Variants in ARHGAP15 observed in about 807,000 individuals in gnomAD.
ARHGAP15 encodes rho GTPase-activating protein 15.
In ARHGAP15, 51 loss-of-function variants were observed where a neutral mutation model predicts 63.7. The ratio of observed to expected loss-of-function variants is 0.80; its 90% confidence interval spans 0.64 to 1.01. The LOEUF (loss-of-function observed/expected upper bound fraction) is 1.01. Among genes scored for constraint, ARHGAP15 ranks in the 50% least tolerant of loss-of-function variants. The probability of loss-of-function intolerance (pLI) is 0.00; values close to 1 mark genes in which losing one functional copy is unlikely to be tolerated. For synonymous variants in ARHGAP15, 191 were observed against 193.8 expected (o/e 0.99, Z 0.12); for missense variants, 560 against 564.6 (o/e 0.99, Z 0.08).
rs192486072 is a variant in ARHGAP15 at position 143,207,847 on chromosome 2, A to T, written c.234+5645A>T. Reference sequence around the variant, plus strand: ...TCATTATCGTTCACATTGACACTTGAATTATTTTTCAGAACCTATGAAGTT... The same window carrying T: ...TCATTATCGTTCACATTGACACTTGTATTATTTTTCAGAACCTATGAAGTT... On this transcript the variant is annotated intron_variant, in intron 3 of 13. Transcript: ENST00000295095. Among the ~76,000 whole-genome samples, 120 of 152,230 alleles carry T rather than the reference A, an allele frequency of 7.9e-4. 1 individual carries two copies. The highest frequency in any genetic ancestry group is 2.8e-3 in the African/African-American group (117 of 41,556).
chr2:143,439,216 AG>A (rs527282204), intron 8 of ARHGAP15, among the ~76,000 whole-genome samples: 8,798 of 151,970 alleles, frequency 0.058, 329 homozygotes, highest in East Asian at 0.14. Flanking sequence ...TGAGGTCAGG[AG>A]TTCAAGACCA....
intron 10 of ARHGAP15, among the ~76,000 whole-genome samples, chr2:143,540,224 A>G (rs1267253982): frequency 6.6e-6 from 1 of 151,544 alleles, no homozygotes; most frequent in Non-Finnish European, 1.5e-5. Flanking sequence ...TTTGTTTTCC[A>G]TTTGCTTGGT....
intron 6 of ARHGAP15, among the ~76,000 whole-genome samples, chr2:143,412,608 T>C (rs994123115): frequency 1.3e-5 from 2 of 152,184 alleles, no homozygotes; most frequent in African/African-American, 2.4e-5. Context: ...AAGAATTTCT[T>C]GGTCTTTAGT....
chr2:143,471,061 A>G (rs1157265419), intron 8 of ARHGAP15, among the ~76,000 whole-genome samples: 5 of 149,708 alleles, frequency 3.3e-5, no homozygotes, highest in Non-Finnish European at 7.4e-5. Flanking sequence ...GTGCATATAT[A>G]CACATATGAT....
intron 8 of ARHGAP15, among the ~76,000 whole-genome samples, chr2:143,463,624 C>T (rs1691065840): frequency 1.3e-5 from 2 of 152,054 alleles, no homozygotes; most frequent in Non-Finnish European, 2.9e-5. Flanking sequence ...TTTATCTAAC[C>T]ATCCATCCAG....
rs1685160546 is a variant in ARHGAP15 at position 143,343,827 on chromosome 2, G to A, written c.475-91774G>A. Among the ~76,000 whole-genome samples, 3 of 151,886 alleles carry A rather than the reference G, an allele frequency of 2.0e-5. No individual in the cohort carries two copies. In the South Asian group the frequency reaches 6.2e-4, roughly 32 times the overall value. Reference sequence around the variant, plus strand: ...TATTCCTACCATTACACTAATCTAGGTTACTCCTATTAATAATCTCTTTTC... The same window carrying A: ...TATTCCTACCATTACACTAATCTAGATTACTCCTATTAATAATCTCTTTTC... On this transcript the variant is annotated intron_variant, in intron 6 of 13. Transcript: ENST00000295095.
intron 8 of ARHGAP15, among the ~76,000 whole-genome samples, chr2:143,455,411 T>G (rs1025408287): frequency 3.9e-5 from 6 of 151,904 alleles, no homozygotes; most frequent in African/African-American, 1.5e-4. Flanking sequence ...CAGCAAGGTC[T>G]TTGTGACCTA....
chr2:143,705,398 C>A (rs1346852008), intron 13 of ARHGAP15, among the ~76,000 whole-genome samples: 1 of 152,118 alleles, frequency 6.6e-6, no homozygotes, highest in African/African-American at 2.4e-5. Flanking sequence ...CAAATCCTTG[C>A]TCTATGCTTT....
At chr2:143,199,456 A>C (rs1692017297) in intron 2 of ARHGAP15, among the ~76,000 whole-genome samples, 1 of 152,104 alleles carries the variant, frequency 6.6e-6, no homozygotes, top group Non-Finnish European at 1.5e-5. Context: ...AAAGAAAACA[A>C]AGTGAGCTTT....
chr2:143,413,090 CTATT>C (rs1688510001), intron 6 of ARHGAP15, among the ~76,000 whole-genome samples: 1 of 152,138 alleles, frequency 6.6e-6, no homozygotes, highest in African/African-American at 2.4e-5. Flanking sequence ...ATCAAATTCT[CTATT>C]TGTTGTCAAT....
At chr2:143,646,170 A>G (rs1225904647) in intron 12 of ARHGAP15, among the ~76,000 whole-genome samples, 2 of 152,032 alleles carry the variant, frequency 1.3e-5, no homozygotes, top group African/African-American at 4.8e-5. Context: ...ACCATAATAA[A>G]TGTATGAAGG....
chr2:143,535,123 C>T (rs951544713), intron 10 of ARHGAP15, among the ~76,000 whole-genome samples: 5 of 151,966 alleles, frequency 3.3e-5, no homozygotes, highest in Non-Finnish European at 7.4e-5. Flanking sequence ...TTTCTAAGTA[C>T]AGTAATATAC....
intron 9 of ARHGAP15, among the ~76,000 whole-genome samples, chr2:143,505,964 G>A (rs1033061183): frequency 1.3e-5 from 2 of 152,128 alleles, no homozygotes; most frequent in African/African-American, 4.8e-5. Flanking sequence ...AAATGAAAGA[G>A]ACTCCATTAT....
At chr2:143,192,396 C>A (rs1425192488) in intron 2 of ARHGAP15, among the ~76,000 whole-genome samples, 1 of 152,248 alleles carries the variant, frequency 6.6e-6, no homozygotes, top group Non-Finnish European at 1.5e-5. Context: ...TAACAACACC[C>A]TGAATTCAAT....
At chr2:143,258,475 T>A (rs1400630125) in intron 6 of ARHGAP15, among the ~76,000 whole-genome samples, 1 of 152,172 alleles carries the variant, frequency 6.6e-6, no homozygotes, top group South Asian at 2.1e-4. Context: ...AGGCCACTTA[T>A]GGCATCTATG....
intron 5 of ARHGAP15, among the ~76,000 whole-genome samples, chr2:143,239,383 A>G (rs1334298305): frequency 6.6e-6 from 1 of 152,122 alleles, no homozygotes; most frequent in African/African-American, 2.4e-5. Flanking sequence ...TGTACAATGG[A>G]TCTCTAGAAT....
Position 143,514,688 on chromosome 2 carries a change from G to A in ARHGAP15, c.827-4578G>A, listed in dbSNP as rs1026316006. 3.9e-5 allele frequency among the ~76,000 whole-genome samples: 6 copies of A among 152,142 alleles called. No individual in the cohort carries two copies. In the South Asian group the frequency reaches 1.2e-3, roughly 32 times the overall value. On this transcript the variant is annotated intron_variant, in intron 9 of 13. Transcript: ENST00000295095. ...CATCTATTTCTCATGTGTCTGTGGT[G>A]CAGGCTTGACTGGGCCACTCTGCTT... is the stretch of plus-strand genomic sequence containing the variant.
chr2:143,349,121 A>G (rs147718535), intron 6 of ARHGAP15, among the ~76,000 whole-genome samples: 9 of 152,284 alleles, frequency 5.9e-5, no homozygotes, highest in Non-Finnish European at 1.3e-4. Flanking sequence ...TTTTATTGAC[A>G]TTGTTGGAAG....
In ARHGAP15 at chr2:143,509,429, A is replaced by G. The variant is rs570871966; in HGVS notation, c.827-9837A>G. ...AGAATCGGCCCAATTTTTGATATCT[A>G]TGTAACATAAAGCAGCAACCGATAT... On this transcript the variant is annotated intron_variant, in intron 9 of 13. Coordinates refer to ENST00000295095, the MANE Select transcript of ARHGAP15 (RefSeq NM_018460.4). Among the ~76,000 whole-genome samples the G allele has an allele frequency of 2.6e-5, 4 of 152,296 alleles. No individual in the cohort carries two copies. The East Asian group carries it at 7.7e-4, about 29-fold the overall frequency.
Sources: allele counts gnomAD v4.1 joint callset (sites outside exome capture counted in the v4.1 genomes callset), GRCh38; gene constraint gnomAD v4.1.1; transcripts MANE v1.5; gene names NCBI Gene and HGNC (gene_info 2026-07-23, HGNC 2026-07-21).